Variants in BTK observed in about 807,000 individuals in gnomAD.
BTK encodes the protein tyrosine-protein kinase BTK.
A neutral mutation model predicts 57.4 loss-of-function variants in BTK; 5 were observed. The ratio of observed to expected loss-of-function variants is 0.09; its 90% CI spans 0.05 to 0.18. The LOEUF is 0.18. Ranked by LOEUF, BTK falls within the 10% of genes least tolerant of loss-of-function variation. The pLI, the probability that BTK is intolerant of heterozygous loss-of-function variation, is 1.00. For synonymous variants in BTK, 154 were observed against 174.3 expected (o/e 0.88, Z 0.92); for missense variants, 194 against 501.2 (o/e 0.39, Z 5.85).
intron 10 of BTK, 31 bp from the exon 11 acceptor site, chrX:101,358,727 G>A: frequency 8.8e-7 from 1 of 1,141,449 alleles, no homozygotes; most frequent in Non-Finnish European, 1.2e-6. Flanking sequence ...CTGTCTGTAG[G>A]AGGAAGTGGT....
intron 7 of BTK, among the ~76,000 whole-genome samples, chrX:101,361,683 G>C (rs782721845): frequency 1.5e-4 from 17 of 111,295 alleles, no homozygotes; most frequent in African/African-American, 5.6e-4. Context: ...AGGAGGCCGA[G>C]GCGGGTTCGA....
At chrX:101,387,968 G>C (rs1345995127), upstream of BTK, among the ~76,000 whole-genome samples, 1 of 109,088 alleles carries the variant, frequency 9.2e-6, no homozygotes, top group African/African-American at 3.4e-5. Flanking sequence ...CCGGGTTCAC[G>C]CCATTGTCCT....
At chrX:101,387,719 C>T (rs1295525449), upstream of BTK, among the ~76,000 whole-genome samples, 4 of 110,936 alleles carry the variant, frequency 3.6e-5, no homozygotes, top group Admixed American at 1.9e-4. Context: ...TTGATACTCA[C>T]ATTTGCACAA....
intron 1 of BTK, among the ~76,000 whole-genome samples, chrX:101,381,874 A>G (rs1278893219): frequency 2.7e-5 from 3 of 109,393 alleles, no homozygotes; most frequent in African/African-American, 1.0e-4. Context: ...TCTACTAAAA[A>G]TACAAAAATT....
At chrX:101,375,345 G>A (rs782281912) in intron 1 of BTK, 31 bp from the exon 2 acceptor site, 1 of 1,183,060 alleles carries the variant, frequency 8.5e-7, no homozygotes, top group East Asian at 3.0e-5. Flanking sequence ...TGAGGACCCA[G>A]GACATTAATC....
At chrX:101,373,861 G>T (rs1246081046) in intron 3 of BTK, among the ~76,000 whole-genome samples, 2 of 109,799 alleles carry the variant, frequency 1.8e-5, no homozygotes, top group Non-Finnish European at 3.8e-5. Flanking sequence ...GGCCAACATG[G>T]TGAAACCCCG....
intron 5 of BTK, among the ~76,000 whole-genome samples, chrX:101,367,836 C>T (rs1926910538): frequency 1.8e-5 from 2 of 111,021 alleles, no homozygotes; most frequent in Non-Finnish European, 3.8e-5. Context: ...AGCCATTTAT[C>T]GATGTGGAGC....
rs1181124310 is a variant in BTK, at chrX:101,375,107, T to C, written c.141+37A>G. ...GAAAGATCTAAGGCCAAGTCCTTGA[T>C]ATCTTGAAACTCAGTTTTCATAGTC... On this transcript the variant is annotated intron_variant, in intron 2 of 18. Coordinates refer to ENST00000308731, the MANE Select transcript of BTK (RefSeq NM_000061.3). 4.1e-6 allele frequency: 5 copies of C among 1,209,251 alleles called. No individual in the cohort carries two copies. The Admixed American group carries it at 8.7e-5, about 21-fold the overall frequency.
intron 9 of BTK, 53 bp from the exon 10 acceptor site, chrX:101,359,400 G>C (rs377142697): frequency 1.8e-6 from 2 of 1,109,957 alleles, no homozygotes; most frequent in Non-Finnish European, 2.5e-6. Context: ...CAGATTGGAG[G>C]TTACAGCACC....
rs1555978887 is a variant in BTK, at chrX:101,362,638, A to T, written c.443T>A (p.Ile148Asn). Residue 148 changes from isoleucine (I) to asparagine (N), a missense_variant, in exon 6 of 19, where the codon ATC (isoleucine) becomes AAC (asparagine). Ile to Asn is a moderately radical substitution (Grantham distance 149, BLOSUM62 -3). Coordinates refer to ENST00000308731, the MANE Select transcript of BTK (RefSeq NM_000061.3). Reference sequence around the variant, plus strand: ...AGAGCAGCAGAGATACTGCCCATCGATCCAGAAGCAAGGGTGATATTTCTG... The same window carrying T: ...AGAGCAGCAGAGATACTGCCCATCGTTCCAGAAGCAAGGGTGATATTTCTG... Reference protein sequence around the residue: ...LVQKYHPCFWIDGQYLCCSQT... With the variant: ...LVQKYHPCFWNDGQYLCCSQT... 1 of 1,212,002 alleles carries T rather than the reference A, an allele frequency of 8.3e-7. No homozygotes were observed. Among genetic ancestry groups the T allele is most frequent in the East Asian group, 3.0e-5 (1 of 33,856 alleles).
At chrX:101,389,487 G>A (rs1248775776), upstream of BTK, among the ~76,000 whole-genome samples, 1 of 111,569 alleles carries the variant, frequency 9.0e-6, no homozygotes, top group Non-Finnish European at 1.9e-5. Flanking sequence ...AATGTAGCAG[G>A]TAGTGGTAAT....
At chrX:101,352,648 C>G (rs781933136) in intron 18 of BTK, among the ~76,000 whole-genome samples, 106 of 111,986 alleles carry the variant, frequency 9.5e-4, no homozygotes, top group African/African-American at 3.4e-3. Context: ...CCTGTAATCC[C>G]AGCACTTTGG....
intron 17 of BTK, 25 bp downstream of exon 17, chrX:101,353,844 TA>T: frequency 1.8e-6 from 2 of 1,085,884 alleles, no homozygotes; most frequent in South Asian, 1.8e-5. Flanking sequence ...TTGAGCTGTA[TA>T]ATCTGTGTAA....
upstream of BTK, among the ~76,000 whole-genome samples, chrX:101,387,058 C>T (rs782572080): frequency 7.1e-5 from 8 of 111,937 alleles, no homozygotes; most frequent in South Asian, 3.0e-3. Flanking sequence ...ACCTTGACAC[C>T]TCGGGCACTG....
At chrX:101,357,798 C>T (rs1926535428) in intron 12 of BTK, among the ~76,000 whole-genome samples, 1 of 112,149 alleles carries the variant, frequency 8.9e-6, no homozygotes, top group Non-Finnish European at 1.9e-5. Context: ...AAATACACTG[C>T]CTAACTGAAT....
At chrX:101,370,367 C>A (rs187712185) in intron 4 of BTK, among the ~76,000 whole-genome samples, 1 of 111,939 alleles carries the variant, frequency 8.9e-6, no homozygotes, top group Admixed American at 9.6e-5. Context: ...AGGTCTCCGT[C>A]TGCCCTTGCT....
chrX:101,374,086 A>T (rs908208385), intron 3 of BTK, among the ~76,000 whole-genome samples: 3 of 111,537 alleles, frequency 2.7e-5, no homozygotes, highest in Non-Finnish European at 5.6e-5. Flanking sequence ...ACTGAAATTG[A>T]TATATATTTT....
At chrX:101,388,329 C>A (rs140970955), upstream of BTK, among the ~76,000 whole-genome samples, 810 of 111,267 alleles carry the variant, frequency 7.3e-3, 8 homozygotes, top group Non-Finnish European at 0.011. Context: ...CTTTTCTTCA[C>A]CCTCTGCCCA....
At chrX:101,375,540 A>G (rs1026703569) in intron 1 of BTK, among the ~76,000 whole-genome samples, 8 of 112,277 alleles carry the variant, frequency 7.1e-5, no homozygotes, top group Non-Finnish European at 3.8e-5. Flanking sequence ...GAGCTCATAT[A>G]AACTGAGTTC....
Sources: allele counts gnomAD v4.1 joint callset (sites outside exome capture counted in the v4.1 genomes callset), GRCh38; gene constraint gnomAD v4.1.1; transcripts MANE v1.5; gene names NCBI Gene and HGNC (gene_info 2026-07-23, HGNC 2026-07-21).